The following MYH11 variants were observed in gnomAD, a reference collection of about 807,000 sequenced individuals.
The protein encoded by MYH11 is myosin-11.
MYH11 carries 80 observed loss-of-function variants against 246.6 expected under a neutral mutation model. The observed-to-expected ratio is 0.32, with a 90% CI of 0.27 to 0.39. MYH11 has a LOEUF of 0.39. Ranked by LOEUF, MYH11 falls within the 10% of genes least tolerant of loss-of-function variation. The pLI, the probability that MYH11 is intolerant of heterozygous loss-of-function variation, is 1.00. For missense variants in MYH11, 2,158 were observed against 2,546.8 expected (o/e 0.85, Z 3.29); for synonymous variants, 1,071 against 1,015.5 (o/e 1.05, Z -1.04).
chr16:15,753,861 C>T (rs139520807), intron 14 of MYH11, among the ~76,000 whole-genome samples: 5 of 152,102 alleles, frequency 3.3e-5, no homozygotes, highest in Admixed American at 2.6e-4. Flanking sequence ...GCCCTCCTGC[C>T]GACATGCAAA....
Position 15,771,560 on chromosome 16 carries a change from G to C in MYH11, c.1033+9C>G. On this transcript the variant is annotated intron_variant, in intron 9 of 40. Coordinates refer to ENST00000300036, the MANE Select transcript of MYH11 (RefSeq NM_002474.3). ...AAGCTACCCTCCAGACTCAAGGTGTGAGGCTTACATAGCTGCTCCTCCTCG... is the reference window on the plus strand; with the variant it reads ...AAGCTACCCTCCAGACTCAAGGTGTCAGGCTTACATAGCTGCTCCTCCTCG... 6.2e-7 allele frequency: 1 copy of C among 1,613,000 alleles called. No individual in the cohort carries two copies. Among genetic ancestry groups the C allele is most frequent in the Non-Finnish European group, 8.5e-7 (1 of 1,179,916 alleles).
intron 2 of MYH11, among the ~76,000 whole-genome samples, chr16:15,830,089 T>C (rs4077407): frequency 0.014 from 2,182 of 151,786 alleles, 49 homozygotes; most frequent in African/African-American, 0.05. Flanking sequence ...GAGCTGAGAT[T>C]GTGCCACTCC....
At chr16:15,714,663 G>A (rs1184255600) in intron 40 of MYH11, 7 of 594,382 alleles carry the variant, frequency 1.2e-5, no homozygotes, top group African/African-American at 7.4e-5. Flanking sequence ...CCGGAGGACC[G>A]GATGGGAGAC....
In MYH11 at chr16:15,718,910, C is replaced by T. The variant is rs1246420936; in HGVS notation, c.5171+310G>A. The T allele has an allele frequency of 3.3e-5, 14 of 428,242 alleles. No homozygotes were observed. In the East Asian group the frequency reaches 7.3e-4, roughly 22 times the overall value. 26.5% of individuals were successfully genotyped at this position (428,242 alleles called of 1,614,324 possible). On this transcript the variant is annotated intron_variant, in intron 36 of 40. Coordinates refer to ENST00000300036, the MANE Select transcript of MYH11 (RefSeq NM_002474.3). ...TGGGAGGCCAAGGTAGGAGGATCAC[C>T]TAAGGTCAGGAGTTCAAGACTAGCC... is the stretch of plus-strand genomic sequence containing the variant.
chr16:15,797,269 T>G (rs917692591), intron 4 of MYH11, among the ~76,000 whole-genome samples: 5 of 152,198 alleles, frequency 3.3e-5, no homozygotes, highest in Non-Finnish European at 7.3e-5. Context: ...TTCTAATTAC[T>G]AGTTTTTAAT....
chr16:15,745,282 C>T, intron 19 of MYH11, 45 bp from the exon 20 acceptor site: 2 of 1,412,368 alleles, frequency 1.4e-6, no homozygotes, highest in Non-Finnish European at 2.0e-6. Context: ...GAAGCCACAC[C>T]CTGCTGTCAA....
At chr16:15,754,675 G>C (rs1018122392) in intron 14 of MYH11, among the ~76,000 whole-genome samples, 2 of 151,942 alleles carry the variant, frequency 1.3e-5, no homozygotes, top group African/African-American at 4.8e-5. Flanking sequence ...TGTTTGTTTT[G>C]GTTTTTGAGA....
intron 3 of MYH11, among the ~76,000 whole-genome samples, chr16:15,822,583 T>C (rs1353217767): frequency 6.6e-6 from 1 of 151,862 alleles, no homozygotes; most frequent in Non-Finnish European, 1.5e-5. Context: ...GACATGACAG[T>C]CCACACCTAT....
intron 37 of MYH11, 41 bp downstream of exon 37, chr16:15,718,274 G>A: frequency 2.5e-6 from 4 of 1,605,436 alleles, no homozygotes; most frequent in Non-Finnish European, 3.4e-6. Context: ...CTGCAGGAGA[G>A]ACAGTAGGCA....
chr16:15,715,978 C>T (rs939712545), intron 38 of MYH11, among the ~76,000 whole-genome samples: 6 of 150,980 alleles, frequency 4.0e-5, no homozygotes, highest in African/African-American at 1.2e-4. Flanking sequence ...AATACAATTA[C>T]AAGCTGGGTA....
intron 3 of MYH11, among the ~76,000 whole-genome samples, chr16:15,803,022 AG>A (rs2042923021): frequency 6.6e-6 from 1 of 151,782 alleles, no homozygotes; most frequent in South Asian, 2.1e-4. Flanking sequence ...CTGTAGTCCC[AG>A]CTACTCGGGA....
intron 1 of MYH11, among the ~76,000 whole-genome samples, chr16:15,843,146 G>A (rs2044099013): frequency 6.6e-6 from 1 of 152,144 alleles, no homozygotes; most frequent in African/African-American, 2.4e-5. Flanking sequence ...CAGGTGGGCG[G>A]ACCACCTGAG....
chr16:15,802,824 G>A (rs1422664347), intron 3 of MYH11, among the ~76,000 whole-genome samples: 1 of 152,148 alleles, frequency 6.6e-6, no homozygotes, highest in African/African-American at 2.4e-5. Context: ...TCCTGGCTTG[G>A]AGTGAGACCT....
In MYH11 at chr16:15,723,851, T is replaced by C. The variant is rs7195874; in HGVS notation, c.4365+310A>G. The stretch of plus-strand genomic sequence containing the variant: ...TCAATAGGTATTCAGTAAATACATT[T>C]AGTGAATAAATAAGCACCTCATTCC... On this transcript the variant is annotated intron_variant, in intron 31 of 40. Transcript: ENST00000300036. 0.097 allele frequency among the ~76,000 whole-genome samples: 14,834 copies of C among 152,224 alleles called. 1,897 individuals are homozygous for C. The highest frequency in any genetic ancestry group is 0.29 in the African/African-American group (12,229 of 41,496).
chr16:15,845,247 G>A (rs1048671027), intron 1 of MYH11, among the ~76,000 whole-genome samples: 1 of 151,462 alleles, frequency 6.6e-6, no homozygotes, highest in African/African-American at 2.4e-5. Context: ...TTTGAATGTG[G>A]CCCGATACAA....
chr16:15,766,713 TG>T (rs977201882), intron 9 of MYH11, among the ~76,000 whole-genome samples: 1 of 152,158 alleles, frequency 6.6e-6, no homozygotes, highest in Non-Finnish European at 1.5e-5. Context: ...TTTTGAAGGT[TG>T]TAGTGGCCGA....
chr16:15,835,101 T>G (rs965569527), intron 2 of MYH11, among the ~76,000 whole-genome samples: 10 of 150,324 alleles, frequency 6.7e-5, no homozygotes. Flanking sequence ...AAAAAAGTTA[T>G]GAGTTGCTAA....
intron 3 of MYH11, 23 bp downstream of exon 3, chr16:15,823,232 C>T (rs1220686368): frequency 3.7e-6 from 6 of 1,613,734 alleles, no homozygotes; most frequent in South Asian, 3.3e-5. Flanking sequence ...GAGCTGGCCC[C>T]GTGCAGCCCT....
intron 19 of MYH11, among the ~76,000 whole-genome samples, chr16:15,746,694 C>T (rs2151258692): frequency 6.6e-6 from 1 of 152,286 alleles, no homozygotes; most frequent in African/African-American, 2.4e-5. Context: ...CACAGAACAG[C>T]TGGGACATCA....
Sources: allele counts gnomAD v4.1 joint callset (sites outside exome capture counted in the v4.1 genomes callset), GRCh38; gene constraint gnomAD v4.1.1; transcripts MANE v1.5; gene names NCBI Gene and HGNC (gene_info 2026-07-23, HGNC 2026-07-21).